The following CD48 variants were observed in gnomAD, a reference collection of about 807,000 sequenced individuals.
The protein encoded by CD48 is CD48 antigen.
A neutral mutation model predicts 22.0 loss-of-function variants in CD48; 20 were observed. The ratio of observed to expected loss-of-function variants is 0.91; its 90% CI spans 0.64 to 1.32. CD48 has a LOEUF of 1.32. Ranked by LOEUF, CD48 falls within the 40% of genes most tolerant of loss-of-function variation. CD48 has a pLI of 0.00. For missense variants in CD48, 307 were observed against 286.5 expected, an observed-to-expected ratio of 1.07 and a Z score of -0.52; for synonymous variants, 110 against 110.1, an observed-to-expected ratio of 1.00 and a Z score of 0.01.
At chr1:160,680,746 C>G in intron 3 of CD48, 1 of 1,050,134 alleles carries the variant, frequency 9.5e-7, no homozygotes, top group Non-Finnish European at 1.2e-6. Context: ...TCTCCTCAGT[C>G]CCTCTTTCCC....
At chr1:160,690,771 G>A (rs1051549302) in intron 1 of CD48, among the ~76,000 whole-genome samples, 16 of 152,252 alleles carry the variant, frequency 1.1e-4, no homozygotes, top group African/African-American at 3.6e-4. Context: ...TACAACATAA[G>A]CGGAATCTGA....
In CD48 at chr1:160,700,078, G is replaced by A. The variant is rs975565946; in HGVS notation, c.82+11604C>T. Among the ~76,000 whole-genome samples, 10 of 152,092 alleles carry A rather than the reference G, an allele frequency of 6.6e-5. No homozygotes were observed. In the East Asian group the frequency reaches 9.6e-4, roughly 15 times the overall value. ...GGCAGTAATCACAGCAATTAACTCC[G>A]CCTTTTGAGCAGAAGTATAAGAGGT... On this transcript the variant is annotated intron_variant, in intron 1 of 3. Coordinates refer to ENST00000368046, the MANE Select transcript of CD48 (RefSeq NM_001778.4).
At chr1:160,703,299 T>A (rs928567494) in intron 1 of CD48, among the ~76,000 whole-genome samples, 2 of 152,206 alleles carry the variant, frequency 1.3e-5, no homozygotes, top group Admixed American at 6.5e-5. Context: ...ACGAAAAGTT[T>A]GTAAAACCAT....
At chr1:160,697,348 G>A (rs547965840) in intron 1 of CD48, among the ~76,000 whole-genome samples, 1 of 152,430 alleles carries the variant, frequency 6.6e-6, no homozygotes, top group Admixed American at 6.5e-5. Context: ...CAGTCACATG[G>A]ATGGATAATC....
At chr1:160,696,916 AG>A (rs1208701574) in intron 1 of CD48, among the ~76,000 whole-genome samples, 1 of 150,040 alleles carries the variant, frequency 6.7e-6, no homozygotes, top group Non-Finnish European at 1.5e-5. Flanking sequence ...CACATACAAC[AG>A]GAATTCCTTA....
chr1:160,680,810 G>A (rs1421645337), intron 3 of CD48: 20 of 1,165,406 alleles, frequency 1.7e-5, no homozygotes, highest in East Asian at 8.7e-5. Flanking sequence ...GGCTGACTTC[G>A]GCTGTCTAAT....
At chr1:160,691,795 C>A (rs1404051991) in intron 1 of CD48, 4 of 369,246 alleles carry the variant, frequency 1.1e-5, no homozygotes, top group African/African-American at 6.3e-5. Context: ...GGTGAAGGTA[C>A]ACTCGAGCGT....
At chr1:160,695,821 ACAGTT>A in intron 1 of CD48, among the ~76,000 whole-genome samples, 1 of 152,174 alleles carries the variant, frequency 6.6e-6, no homozygotes, top group Middle Eastern at 3.2e-3. Flanking sequence ...TCCTCACAGT[ACAGTT>A]AAGACTTTTA....
intron 1 of CD48, among the ~76,000 whole-genome samples, chr1:160,706,668 C>A (rs1220535656): frequency 6.6e-6 from 1 of 152,090 alleles, no homozygotes; most frequent in Non-Finnish European, 1.5e-5. Flanking sequence ...GATAAAGTAA[C>A]AAAGTTGGAT....
At chr1:160,684,822 A>G (rs1179155720) in intron 2 of CD48, 65 bp downstream of exon 2, 1 of 1,613,954 alleles carries the variant, frequency 6.2e-7, no homozygotes, top group Non-Finnish European at 8.5e-7. Context: ...CCTCCCAGGA[A>G]GCCCTACAGT....
intron 1 of CD48, among the ~76,000 whole-genome samples, chr1:160,697,954 C>A (rs1662491501): frequency 6.6e-6 from 1 of 152,170 alleles, no homozygotes; most frequent in South Asian, 2.1e-4. Flanking sequence ...AAAAAGGAAT[C>A]TCTACCCCAA....
intron 1 of CD48, among the ~76,000 whole-genome samples, chr1:160,709,888 A>G (rs1662900026): frequency 6.6e-6 from 1 of 152,216 alleles, no homozygotes; most frequent in Admixed American, 6.5e-5. Context: ...AAGGAAACAG[A>G]TGATCCACCA....
chr1:160,703,785 G>T (rs564351943), intron 1 of CD48, among the ~76,000 whole-genome samples: 1 of 152,278 alleles, frequency 6.6e-6, no homozygotes, highest in East Asian at 1.9e-4. Flanking sequence ...ACTTGGAGGA[G>T]AGAGGTGGCC....
chr1:160,681,128 A>G, intron 3 of CD48, 74 bp downstream of exon 3: 3 of 1,610,094 alleles, frequency 1.9e-6, no homozygotes, highest in Non-Finnish European at 2.5e-6. Context: ...GCTGAATAGG[A>G]CCCCCAGCCT....
chr1:160,690,603 G>T (rs1662173162), intron 1 of CD48, among the ~76,000 whole-genome samples: 1 of 152,192 alleles, frequency 6.6e-6, no homozygotes, highest in Non-Finnish European at 1.5e-5. Flanking sequence ...GTTACCAGCA[G>T]ACATGGGTCC....
Position 160,681,436 on chromosome 1 carries a change from T to C in CD48, c.418A>G (p.Lys140Glu), listed in dbSNP as rs780011795. 1.7e-5 allele frequency: 27 copies of C among 1,614,092 alleles called. No individual in the cohort carries two copies. In the Middle Eastern group the frequency reaches 4.9e-4, roughly 30 times the overall value. ...CAGTTGTCATCCATGTCTTCTATCT[T>C]CTCAATTTTGATGACAGGCTTGGGT... ...PVPKPVIKIEKIEDMDDNCYL... is the reference protein window; with the variant it reads ...PVPKPVIKIEEIEDMDDNCYL... The change falls in exon 3 of 4, where the codon AAG (lysine) becomes GAG (glutamate). Residue 140 changes from lysine (K) to glutamate (E), a missense_variant. By Grantham distance (56) the Lys-to-Glu change is moderately conservative (BLOSUM62 1). Coordinates refer to ENST00000368046, the MANE Select transcript of CD48 (RefSeq NM_001778.4).
At chr1:160,711,347 G>T (rs1221265466) in intron 1 of CD48, among the ~76,000 whole-genome samples, 4 of 152,202 alleles carry the variant, frequency 2.6e-5, no homozygotes, top group Non-Finnish European at 5.9e-5. Flanking sequence ...TGCAGCAGCT[G>T]TCAGTGTAGA....
chr1:160,679,084 C>A lies in CD48; in HGVS notation c.700G>T (p.Val234Leu). 1 of 1,614,068 alleles carries A rather than the reference C, an allele frequency of 6.2e-7. No homozygotes were observed. The highest frequency in any genetic ancestry group is 8.5e-7 in the Non-Finnish European group (1 of 1,179,994). ...EWIASWLVVTVPTILGLLLT is the reference protein window; with the variant it reads ...EWIASWLVVTLPTILGLLLT ...AGTAACAGGCCAAGAATGGTGGGCA[C>A]CGTGACCACTAGCCAACTTGCAATC... The change falls in exon 4 of 4, where the codon GTG (valine) becomes TTG (leucine). Residue 234 changes from valine to leucine, a missense_variant. Transcript: ENST00000368046.
intron 1 of CD48, among the ~76,000 whole-genome samples, chr1:160,704,016 T>TA (rs560179884): frequency 6.9e-4 from 103 of 149,632 alleles, no homozygotes; most frequent in East Asian, 3.5e-3. Flanking sequence ...TCTTGTCCTG[T>TA]AAAAAAAAAA....
Sources: gnomAD v4.1 joint callset for allele counts (sites outside exome capture counted in the v4.1 genomes callset) on GRCh38, gnomAD v4.1.1 for gene constraint, MANE v1.5 for transcripts, NCBI Gene and HGNC (gene_info 2026-07-23, HGNC 2026-07-21) for gene names.